The following SEC22A variants were observed in gnomAD, a reference collection of about 807,000 sequenced individuals.
SEC22A encodes the protein SEC22 homolog A, vesicle trafficking protein.
In SEC22A, 22 loss-of-function variants were observed where a neutral mutation model predicts 35.3. That is an observed-to-expected ratio of 0.62 (90% CI 0.45 to 0.89). The LOEUF is 0.89. SEC22A is among the 40% of genes least tolerant of loss of function. The probability of loss-of-function intolerance (pLI) is 0.00; values close to 1 mark genes in which losing one functional copy is unlikely to be tolerated. For missense variants in SEC22A, 354 were observed against 362.5 expected (o/e 0.98, Z 0.19); for synonymous variants, 119 against 129.5 (o/e 0.92, Z 0.55).
chr3:123,233,121 C>T (rs963511881), intron 4 of SEC22A, among the ~76,000 whole-genome samples: 2 of 152,116 alleles, frequency 1.3e-5, no homozygotes, highest in East Asian at 1.9e-4. Flanking sequence ...CAGAGCAAGA[C>T]CATGTCTCTA....
intron 2 of SEC22A, among the ~76,000 whole-genome samples, chr3:123,217,282 C>T (rs1937044859): frequency 6.6e-6 from 1 of 151,316 alleles, no homozygotes; most frequent in South Asian, 2.1e-4. Context: ...ACTGCAAGCT[C>T]CGCCTCCTGG....
intron 2 of SEC22A, among the ~76,000 whole-genome samples, chr3:123,213,731 G>T (rs953454212): frequency 1.3e-5 from 2 of 152,126 alleles, no homozygotes; most frequent in Non-Finnish European, 2.9e-5. Flanking sequence ...TTTCAAATTT[G>T]TGTAGAAATT....
chr3:123,270,612 G>A (rs934510493), intron 6 of SEC22A, among the ~76,000 whole-genome samples: 22 of 152,158 alleles, frequency 1.4e-4, no homozygotes, highest in African/African-American at 5.3e-4. Flanking sequence ...GTAAATAACA[G>A]TAAAAAATCT....
intron 4 of SEC22A, among the ~76,000 whole-genome samples, chr3:123,241,405 C>G (rs980029943): frequency 3.3e-5 from 5 of 152,172 alleles, no homozygotes; most frequent in Admixed American, 3.3e-4. Flanking sequence ...TGAAATTTCT[C>G]TCTTATCTTC....
rs1137140 is a variant in SEC22A, at chr3:123,272,314, G to A, written c.*592G>A. On this transcript the variant is annotated 3_prime_UTR_variant, in exon 7 of 7. Coordinates refer to ENST00000492595, the MANE Select transcript of SEC22A (RefSeq NM_012430.5). ...TGTAGAAGAAGACTGTGATGAGCTC[G>A]TCTGTGGAACATCACAAGTATCGAA... is the stretch of plus-strand genomic sequence containing the variant. The A allele has an allele frequency of 0.2, 29,908 of 152,208 alleles. 3,048 individuals are homozygous for A. The highest frequency in any genetic ancestry group is 0.27 in the Middle Eastern group (78 of 292). 9.4% of individuals were successfully genotyped at this position (152,208 alleles called of 1,614,324 possible).
chr3:123,262,459 C>T (rs1937914482), intron 6 of SEC22A, among the ~76,000 whole-genome samples: 1 of 152,228 alleles, frequency 6.6e-6, no homozygotes, highest in Non-Finnish European at 1.5e-5. Flanking sequence ...TGTATAAACA[C>T]ACCATCCCCG....
At chr3:123,219,720 G>A (rs1051398986) in intron 2 of SEC22A, among the ~76,000 whole-genome samples, 10 of 152,056 alleles carry the variant, frequency 6.6e-5, no homozygotes, top group African/African-American at 9.7e-5. Context: ...ATAGACATCC[G>A]CCAGATTGTC....
intron 1 of SEC22A, among the ~76,000 whole-genome samples, chr3:123,208,171 A>G (rs914693892): frequency 2.0e-5 from 3 of 152,178 alleles, no homozygotes. Flanking sequence ...CTTAACATGT[A>G]AGCATTTTAC....
At position 123,271,684 on chromosome 3, in the gene SEC22A, A is replaced by G; in HGVS notation, c.886A>G (p.Arg296Gly). ...GAFVTLQIWL[R>G]QAQGKAPDYD... The stretch of plus-strand genomic sequence containing the variant: ...ATTTGTTACACTACAGATCTGGCTA[A>G]GGCAAGCCCAGGGCAAGGCTCCCGA... Residue 296 changes from arginine (R) to glycine (G), a missense_variant, in exon 7 of 7, where the codon AGG (arginine) becomes GGG (glycine). Transcript: ENST00000492595. 1.9e-6 allele frequency: 3 copies of G among 1,614,202 alleles called. No individual in the cohort carries two copies. Among genetic ancestry groups the G allele is most frequent in the Non-Finnish European group, 2.5e-6 (3 of 1,180,018 alleles).
intron 5 of SEC22A, among the ~76,000 whole-genome samples, chr3:123,255,466 TACATACACACAC>T (rs568027831): frequency 2.4e-4 from 37 of 152,096 alleles, no homozygotes; most frequent in Middle Eastern, 3.4e-3. Flanking sequence ...CATACATTTA[TACATACACACAC>T]ACATACACAC....
chr3:123,219,532 G>T (rs1457954206), intron 2 of SEC22A, among the ~76,000 whole-genome samples: 1 of 152,126 alleles, frequency 6.6e-6, no homozygotes, highest in Non-Finnish European at 1.5e-5. Flanking sequence ...AAGTTACTAA[G>T]CCTCTCTGAG....
At chr3:123,203,434 G>A (rs1936792448) in intron 1 of SEC22A, among the ~76,000 whole-genome samples, 1 of 152,056 alleles carries the variant, frequency 6.6e-6, no homozygotes. Flanking sequence ...CATGTTACAA[G>A]GCAATGTTTC....
chr3:123,259,205 T>G (rs9844193), intron 5 of SEC22A, among the ~76,000 whole-genome samples: 86,954 of 152,004 alleles, frequency 0.57, 25,328 homozygotes, highest in Non-Finnish European at 0.61. Flanking sequence ...TTGTACATTT[T>G]TACATGATTT....
chr3:123,264,624 GA>G (rs1180000327), intron 6 of SEC22A, among the ~76,000 whole-genome samples: 3 of 138,904 alleles, frequency 2.2e-5, no homozygotes, highest in East Asian at 2.1e-4. Context: ...TACATCTTTT[GA>G]TTTTTTTTTT....
chr3:123,244,283 G>A (rs762038222), intron 4 of SEC22A, among the ~76,000 whole-genome samples: 82 of 152,200 alleles, frequency 5.4e-4, no homozygotes, highest in Non-Finnish European at 6.0e-4. Context: ...TGGGAAGTGG[G>A]TGGGGGCGGA....
intron 4 of SEC22A, among the ~76,000 whole-genome samples, chr3:123,233,620 T>A (rs913264506): frequency 1.3e-5 from 2 of 150,958 alleles, no homozygotes; most frequent in African/African-American, 4.9e-5. Context: ...TTTGACAAAA[T>A]TCAACAGCCT....
At chr3:123,247,025 C>T (rs535934823) in intron 5 of SEC22A, among the ~76,000 whole-genome samples, 1 of 152,222 alleles carries the variant, frequency 6.6e-6, no homozygotes, top group African/African-American at 2.4e-5. Context: ...CACCCTTTGC[C>T]CTCAGGTTAA....
intron 5 of SEC22A, among the ~76,000 whole-genome samples, chr3:123,259,132 G>A (rs190260763): frequency 4.7e-4 from 72 of 152,272 alleles, no homozygotes; most frequent in African/African-American, 1.6e-3. Flanking sequence ...AGTAAAGTTT[G>A]TCAGTATTTG....
chr3:123,269,818 G>C (rs969614997), intron 6 of SEC22A, among the ~76,000 whole-genome samples: 5 of 151,900 alleles, frequency 3.3e-5, no homozygotes, highest in Admixed American at 2.0e-4. Flanking sequence ...ATTTTTAGTA[G>C]AGACAGGGTT....
Sources: allele counts gnomAD v4.1 joint callset (sites outside exome capture counted in the v4.1 genomes callset), GRCh38; gene constraint gnomAD v4.1.1; transcripts MANE v1.5; gene names NCBI Gene and HGNC (gene_info 2026-07-23, HGNC 2026-07-21).